The following SNX25 variants were observed in gnomAD, a reference collection of about 807,000 sequenced individuals.
SNX25 encodes the protein sorting nexin-25.
A neutral mutation model predicts 113.7 loss-of-function variants in SNX25; 62 were observed. That is an observed-to-expected ratio of 0.55 (90% CI 0.44 to 0.67). SNX25 has a LOEUF of 0.67. SNX25 is among the 30% of genes least tolerant of loss of function. The pLI is 0.00. For missense variants in SNX25, 1,014 were observed against 1,161.0 expected (o/e 0.87, Z 1.84); for synonymous variants, 421 against 436.2 (o/e 0.97, Z 0.43).
intron 1 of SNX25, among the ~76,000 whole-genome samples, chr4:185,240,285 A>C (rs1333521350): frequency 6.6e-6 from 1 of 151,744 alleles, no homozygotes; most frequent in Non-Finnish European, 1.5e-5. Context: ...TGTTGAGTAC[A>C]CCTCCCAGAT....
chr4:185,213,667 A>T (rs902938062), intron 1 of SNX25, among the ~76,000 whole-genome samples: 2 of 152,140 alleles, frequency 1.3e-5, no homozygotes, highest in Non-Finnish European at 2.9e-5. Flanking sequence ...TGAGCCTCAG[A>T]TTTACTAGCC....
intron 10 of SNX25, 95 bp from the exon 11 acceptor site, chr4:185,339,284 C>T (rs1251476898): frequency 1.6e-5 from 19 of 1,170,094 alleles, no homozygotes; most frequent in Non-Finnish European, 2.3e-5. Flanking sequence ...CGAAACACAG[C>T]TGATTATTGT....
At chr4:185,280,032 CACCTCA>C (rs1254833065) in intron 5 of SNX25, among the ~76,000 whole-genome samples, 4 of 152,090 alleles carry the variant, frequency 2.6e-5, no homozygotes. Context: ...TCAATCCTCC[CACCTCA>C]GCCTCAGCCC....
chr4:185,241,571 G>GGAGGGA (rs1560925852), intron 1 of SNX25, among the ~76,000 whole-genome samples: 4 of 147,990 alleles, frequency 2.7e-5, no homozygotes, highest in African/African-American at 9.9e-5. Context: ...GAGAGGGAGA[G>GGAGGGA]GAGGGAGAGG....
chr4:185,375,773 A>G, the SNX25 span: 1 of 1,320,322 alleles, frequency 7.6e-7, no homozygotes, highest in Non-Finnish European at 1.1e-6. Context: ...ATGATCTTAA[A>G]GTAATCCCAA....
chr4:185,284,367 A>G (rs1751055905), intron 5 of SNX25, among the ~76,000 whole-genome samples: 1 of 152,230 alleles, frequency 6.6e-6, no homozygotes, highest in Non-Finnish European at 1.5e-5. Flanking sequence ...AGATACTATT[A>G]TAGAGCAGAA....
At chr4:185,299,227 A>G (rs961417125) in intron 6 of SNX25, among the ~76,000 whole-genome samples, 2 of 152,170 alleles carry the variant, frequency 1.3e-5, no homozygotes, top group Non-Finnish European at 2.9e-5. Context: ...GCACATGCGC[A>G]TAGAAAAAGA....
intron 13 of SNX25, among the ~76,000 whole-genome samples, chr4:185,349,923 T>A (rs1176713256): frequency 1.3e-5 from 2 of 152,240 alleles, no homozygotes; most frequent in African/African-American, 4.8e-5. Flanking sequence ...GACATCAAGA[T>A]GGGGGAGAAC....
At chr4:185,291,382 C>G (rs765578436) in intron 6 of SNX25, among the ~76,000 whole-genome samples, 1 of 152,132 alleles carries the variant, frequency 6.6e-6, no homozygotes, top group Non-Finnish European at 1.5e-5. Flanking sequence ...CCCCTCAGCC[C>G]GTGACAACCA....
intron 10 of SNX25, among the ~76,000 whole-genome samples, chr4:185,335,353 CACACAACAAA>C (rs1179718352): frequency 6.7e-6 from 1 of 148,900 alleles, no homozygotes; most frequent in Non-Finnish European, 1.5e-5. Context: ...CACACACACA[CACACAACAAA>C]AACAAAAAAC....
At chr4:185,367,003 G>A (rs1355560960), downstream of SNX25, 3 of 576,340 alleles carry the variant, frequency 5.2e-6, no homozygotes, top group African/African-American at 5.6e-5. Context: ...CTTGTGTCTA[G>A]GTTTCAAGTT....
chr4:185,315,395 G>A (rs1301642851), intron 7 of SNX25, among the ~76,000 whole-genome samples: 1 of 148,312 alleles, frequency 6.7e-6, no homozygotes, highest in Non-Finnish European at 1.5e-5. Flanking sequence ...CCAGATTCAA[G>A]CAATTCTCCT....
intron 1 of SNX25, among the ~76,000 whole-genome samples, chr4:185,225,118 C>CTTTT (rs775220291): frequency 3.0e-5 from 4 of 132,080 alleles, no homozygotes; most frequent in South Asian, 2.4e-4. Context: ...TCTATGTCTT[C>CTTTT]TTTTTTTTTT....
the SNX25 span, chr4:185,376,878 G>A: frequency 6.7e-7 from 1 of 1,490,984 alleles, no homozygotes; most frequent in Non-Finnish European, 9.3e-7. Flanking sequence ...AGAATTACAG[G>A]AAATGAAAAC....
intron 7 of SNX25, among the ~76,000 whole-genome samples, chr4:185,319,808 A>T (rs2126682540): frequency 6.6e-6 from 1 of 152,308 alleles, no homozygotes; most frequent in East Asian, 1.9e-4. Flanking sequence ...AAAATGTAGT[A>T]AGAGGTATTT....
chr4:185,310,829 A>G lies in SNX25; in HGVS notation c.1344+13A>G, dbSNP rs1287527293. 1.1e-5 allele frequency: 18 copies of G among 1,591,124 alleles called. No individual in the cohort carries two copies. The African/African-American group carries it at 1.6e-4, about 14-fold the overall frequency. On this transcript the variant is annotated intron_variant, in intron 7 of 18. Transcript: ENST00000652585. Reference sequence around the variant, plus strand: ...TCAAAGCCAGAAGGTAGAACTTTATAGTTTCTTGTTTTGACCCTACCAAGT... The same window carrying G: ...TCAAAGCCAGAAGGTAGAACTTTATGGTTTCTTGTTTTGACCCTACCAAGT...
intron 2 of SNX25, among the ~76,000 whole-genome samples, chr4:185,254,668 C>T (rs1746148613): frequency 6.6e-6 from 1 of 152,174 alleles, no homozygotes; most frequent in Admixed American, 6.5e-5. Context: ...CTTTGTTACC[C>T]TAAATCCTGT....
chr4:185,346,411 G>A (rs921770565), intron 12 of SNX25, 126 bp from the exon 13 acceptor site: 1 of 674,840 alleles, frequency 1.5e-6, no homozygotes, highest in African/African-American at 1.9e-5. Context: ...AAGATGGGTA[G>A]GTTTTCACCT....
At chr4:185,308,733 C>T (rs958309338) in intron 6 of SNX25, among the ~76,000 whole-genome samples, 2 of 152,132 alleles carry the variant, frequency 1.3e-5, no homozygotes, top group Non-Finnish European at 2.9e-5. Flanking sequence ...TCTCCCTTGT[C>T]AGCTTCTCTT....
Sources: gnomAD v4.1 joint callset for allele counts (sites outside exome capture counted in the v4.1 genomes callset) on GRCh38, gnomAD v4.1.1 for gene constraint, MANE v1.5 for transcripts, NCBI Gene and HGNC (gene_info 2026-07-23, HGNC 2026-07-21) for gene names.